FBXL17: variants seen among roughly 807,000 people sequenced by gnomAD.
FBXL17 encodes F-box/LRR-repeat protein 17.
A neutral mutation model predicts 66.2 loss-of-function variants in FBXL17; 22 were observed. That is an observed-to-expected ratio of 0.33 (90% confidence interval 0.24 to 0.47). The LOEUF is 0.47. FBXL17 is among the 20% of genes least tolerant of loss of function. The pLI, the probability that FBXL17 is intolerant of heterozygous loss-of-function variation, is 1.00. For missense variants in FBXL17, 878 were observed against 948.2 expected, an observed-to-expected ratio of 0.93 and a Z score of 0.97; for synonymous variants, 474 against 400.5, an observed-to-expected ratio of 1.18 and a Z score of -2.19.
At position 108,143,347 on chromosome 5, in the gene FBXL17, TCACA is replaced by T. The variant is rs67696841; in HGVS notation, c.1745+42766_1745+42769del. Among the ~76,000 whole-genome samples, 62 of 147,782 alleles carry T rather than the reference TCACA, an allele frequency of 4.2e-4. No homozygotes were observed. The South Asian group carries it at 4.5e-3, about 11-fold the overall frequency. ...AAGTTTTACCAGAAGAACAGCATTC[TCACA>T]CACACACACACACACACACACACAT... On this transcript the variant is annotated intron_variant, in intron 6 of 8. Coordinates refer to ENST00000542267, the MANE Select transcript of FBXL17 (RefSeq NM_001163315.3).
chr5:107,949,371 T>G (rs144868878), intron 7 of FBXL17, among the ~76,000 whole-genome samples: 4 of 152,250 alleles, frequency 2.6e-5, no homozygotes, highest in African/African-American at 7.2e-5. Context: ...ATGTTATATA[T>G]GAAAGTTAAG....
At chr5:107,978,696 T>C (rs1752683434) in intron 7 of FBXL17, among the ~76,000 whole-genome samples, 1 of 152,088 alleles carries the variant, frequency 6.6e-6, no homozygotes, top group African/African-American at 2.4e-5. Flanking sequence ...CCAATCAACA[T>C]TCCCCATTCC....
chr5:108,090,392 T>C (rs1382765021), intron 6 of FBXL17, among the ~76,000 whole-genome samples: 2 of 152,170 alleles, frequency 1.3e-5, no homozygotes, highest in East Asian at 1.9e-4. Flanking sequence ...AGACCACCCT[T>C]TCACAATGCC....
At chr5:108,218,243 C>T (rs1167794539) in intron 5 of FBXL17, among the ~76,000 whole-genome samples, 2 of 151,826 alleles carry the variant, frequency 1.3e-5, no homozygotes, top group African/African-American at 2.4e-5. Flanking sequence ...CTCCTGACCT[C>T]GTGATCCGCC....
chr5:108,111,604 T>C (rs1490876622), intron 6 of FBXL17, among the ~76,000 whole-genome samples: 1 of 152,210 alleles, frequency 6.6e-6, no homozygotes, highest in Non-Finnish European at 1.5e-5. Context: ...TGCTACATCC[T>C]GCAAACACAA....
At chr5:107,871,321 G>T (rs1748447398) in intron 8 of FBXL17, among the ~76,000 whole-genome samples, 1 of 152,142 alleles carries the variant, frequency 6.6e-6, no homozygotes, top group African/African-American at 2.4e-5. Flanking sequence ...ACTTGAATTA[G>T]CACAGTGAGA....
chr5:108,044,896 C>T (rs1025661233), intron 6 of FBXL17, among the ~76,000 whole-genome samples: 1 of 152,008 alleles, frequency 6.6e-6, no homozygotes, highest in African/African-American at 2.4e-5. Flanking sequence ...AAGTGGTCTC[C>T]TTCATCTAAA....
At chr5:108,070,436 T>A (rs981714965) in intron 6 of FBXL17, among the ~76,000 whole-genome samples, 2 of 152,216 alleles carry the variant, frequency 1.3e-5, no homozygotes, top group Non-Finnish European at 2.9e-5. Context: ...TAAATTGCTA[T>A]AAAATGAAAA....
chr5:108,220,108 G>A (rs1580639207), intron 5 of FBXL17, among the ~76,000 whole-genome samples: 1 of 151,302 alleles, frequency 6.6e-6, no homozygotes, highest in East Asian at 1.9e-4. Flanking sequence ...GATACATTGT[G>A]TTTTCATTTT....
chr5:108,196,063 T>A (rs1255872766), intron 5 of FBXL17, among the ~76,000 whole-genome samples: 1 of 152,072 alleles, frequency 6.6e-6, no homozygotes, highest in East Asian at 1.9e-4. Context: ...ATTAATTATA[T>A]ATAAATGTGT....
At chr5:108,145,278 A>G (rs1751510717) in intron 6 of FBXL17, among the ~76,000 whole-genome samples, 1 of 152,162 alleles carries the variant, frequency 6.6e-6, no homozygotes, top group South Asian at 2.1e-4. Context: ...TACATCAGAA[A>G]TAAAACAATG....
In FBXL17 at chr5:108,238,729, G is replaced by C. The variant is rs117785523; in HGVS notation, c.1507-14501C>G. 2.6e-4 allele frequency among the ~76,000 whole-genome samples: 40 copies of C among 152,130 alleles called. 1 individual carries two copies. The East Asian group carries it at 7.5e-3, about 29-fold the overall frequency. On this transcript the variant is annotated intron_variant, in intron 4 of 8. Coordinates refer to ENST00000542267, the MANE Select transcript of FBXL17 (RefSeq NM_001163315.3). ...AGACAGGGTTTCACCACGTTGCCCA[G>C]GCTGGTTTTGAACTTAAGCAATCCA...
At chr5:107,876,039 C>T (rs958071786) in intron 8 of FBXL17, among the ~76,000 whole-genome samples, 3 of 152,206 alleles carry the variant, frequency 2.0e-5, no homozygotes, top group Admixed American at 2.0e-4. Flanking sequence ...TTAGGGTGGA[C>T]CTTTCACAAT....
intron 7 of FBXL17, among the ~76,000 whole-genome samples, chr5:107,977,362 A>C (rs1259857409): frequency 1.3e-5 from 2 of 152,228 alleles, no homozygotes; most frequent in African/African-American, 4.8e-5. Context: ...CCCTACTATA[A>C]TGCTAGGAAC....
intron 3 of FBXL17, among the ~76,000 whole-genome samples, chr5:108,350,241 T>C (rs530365420): frequency 3.3e-5 from 5 of 152,150 alleles, no homozygotes; most frequent in Non-Finnish European, 7.3e-5. Context: ...ATTAGTTAAA[T>C]CCTCAGATCA....
intron 7 of FBXL17, among the ~76,000 whole-genome samples, chr5:107,897,244 C>CA (rs917199828): frequency 6.6e-6 from 1 of 151,938 alleles, no homozygotes; most frequent in South Asian, 2.1e-4. Flanking sequence ...AAAAATGCCA[C>CA]AAAAAATTTT....
intron 6 of FBXL17, among the ~76,000 whole-genome samples, chr5:108,030,234 A>C (rs1283854787): frequency 6.6e-6 from 1 of 152,158 alleles, no homozygotes; most frequent in Admixed American, 6.6e-5. Context: ...ATTAGTCACC[A>C]GTCTATTCCC....
chr5:108,080,801 G>A (rs1748732735), intron 6 of FBXL17, among the ~76,000 whole-genome samples: 1 of 152,204 alleles, frequency 6.6e-6, no homozygotes, highest in African/African-American at 2.4e-5. Flanking sequence ...AAGAGTATCT[G>A]AGTTAAGATA....
intron 7 of FBXL17, among the ~76,000 whole-genome samples, chr5:107,974,674 A>T (rs1417411615): frequency 6.7e-6 from 1 of 148,846 alleles, no homozygotes; most frequent in Non-Finnish European, 1.5e-5. Context: ...ATTATTTTCT[A>T]TTTTTTTTTT....
Sources: gnomAD v4.1 joint callset for allele counts (sites outside exome capture counted in the v4.1 genomes callset) on GRCh38, gnomAD v4.1.1 for gene constraint, MANE v1.5 for transcripts, NCBI Gene and HGNC (gene_info 2026-07-23, HGNC 2026-07-21) for gene names.